The following NEK10 variants were observed in gnomAD, a reference collection of about 807,000 sequenced individuals.
NEK10 encodes the protein serine/threonine-protein kinase Nek10.
NEK10 carries 122 observed loss-of-function variants against 159.8 expected under a neutral mutation model. The ratio of observed to expected loss-of-function variants is 0.76; its 90% confidence interval spans 0.66 to 0.89. The LOEUF (loss-of-function observed/expected upper bound fraction) is 0.89. Ranked by LOEUF, NEK10 falls within the 40% of genes least tolerant of loss-of-function variation. NEK10 has a pLI of 0.00. For synonymous variants in NEK10, 466 were observed against 457.1 expected, an observed-to-expected ratio of 1.02 and a Z score of -0.25; for missense variants, 1,342 against 1,323.1, an observed-to-expected ratio of 1.01 and a Z score of -0.22.
At chr3:27,208,076 G>A (rs774895667) in intron 23 of NEK10, among the ~76,000 whole-genome samples, 26 of 152,104 alleles carry the variant, frequency 1.7e-4, no homozygotes, top group Non-Finnish European at 3.2e-4. Flanking sequence ...GTATGTGAAT[G>A]TTTGTGTGCA....
intron 3 of NEK10, among the ~76,000 whole-genome samples, chr3:27,347,905 G>A (rs1261493111): frequency 1.3e-5 from 2 of 152,020 alleles, no homozygotes; most frequent in Non-Finnish European, 2.9e-5. Context: ...TCATTAAAAT[G>A]GAAATAATAA....
intron 6 of NEK10, 76 bp from the exon 7 acceptor site, chr3:27,314,414 T>C (rs1488700478): frequency 2.3e-6 from 2 of 853,176 alleles, no homozygotes; most frequent in Non-Finnish European, 3.9e-6. Context: ...TGCAATTTCT[T>C]TACTAAGTTG....
rs749434445 is a variant in NEK10, at chr3:27,291,479, CT to C, written c.1476+4del. The C allele has an allele frequency of 6.2e-7, 1 of 1,603,596 alleles. No individual in the cohort carries two copies. Among genetic ancestry groups the C allele is most frequent in the Admixed American group, 1.7e-5 (1 of 60,002 alleles). On this transcript the variant is annotated splice_donor_region_variant and intron_variant, in intron 17 of 35. Coordinates refer to ENST00000691995, the MANE Select transcript of NEK10 (RefSeq NM_001394966.1). ...CTGCCAAAATATTGAAAACTCAGGACTTACCACTAATAAATTCAGCTTGGAT... is the reference window on the plus strand; with the variant it reads ...CTGCCAAAATATTGAAAACTCAGGACTACCACTAATAAATTCAGCTTGGAT...
rs370269119 is a variant in NEK10, at chr3:27,352,770, C to T, written c.71+42G>A. ...AGCCATTAAATCTGTTCAATGGCCA[C>T]TGCCTGAGTTAACAATTAGCAAACA... On this transcript the variant is annotated intron_variant, in intron 2 of 35. Coordinates refer to ENST00000691995, the MANE Select transcript of NEK10 (RefSeq NM_001394966.1). 88 of 1,356,376 alleles carry T rather than the reference C, an allele frequency of 6.5e-5. No homozygotes were observed. In the African/African-American group the frequency reaches 1.0e-3, roughly 15 times the overall value. 84.0% of individuals were successfully genotyped at this position (1,356,376 alleles called of 1,614,324 possible). A position where few individuals can be genotyped will look rare whatever the true frequency, so the allele number is the denominator to read the frequency against.
chr3:27,216,246 A>C (rs1951516627), intron 23 of NEK10: 1 of 210,386 alleles, frequency 4.8e-6, no homozygotes, highest in Admixed American at 5.8e-5. Context: ...GTCAAAGAAA[A>C]GACAAATAAT....
chr3:27,211,727 T>C (rs1288566572), intron 23 of NEK10, among the ~76,000 whole-genome samples: 1 of 152,184 alleles, frequency 6.6e-6, no homozygotes, highest in Non-Finnish European at 1.5e-5. Context: ...GAGCACGTAG[T>C]AGAATACAGG....
intron 5 of NEK10, among the ~76,000 whole-genome samples, chr3:27,325,501 T>C (rs1369955200): frequency 6.6e-6 from 1 of 152,152 alleles, no homozygotes; most frequent in Non-Finnish European, 1.5e-5. Context: ...CTCTGTCTCC[T>C]CTATGATCCT....
chr3:27,316,886 T>C (rs928911486), intron 6 of NEK10, among the ~76,000 whole-genome samples: 22 of 152,308 alleles, frequency 1.4e-4, no homozygotes, highest in South Asian at 2.1e-4. Flanking sequence ...TAACAAATTC[T>C]CTATCTCAGG....
chr3:27,311,827 C>T lies in NEK10; in HGVS notation c.568+272G>A, dbSNP rs963737524. ...TGACATTTTAACAGAAATAAAAAGA[C>T]GCAAAAATAGATTTTACCAAAATTT... On this transcript the variant is annotated intron_variant, in intron 8 of 35. Coordinates refer to ENST00000691995, the MANE Select transcript of NEK10 (RefSeq NM_001394966.1). 11 of 394,254 alleles carry T rather than the reference C, an allele frequency of 2.8e-5. No individual in the cohort carries two copies. The Admixed American group carries it at 3.1e-4, about 11-fold the overall frequency. The allele number at this position is 394,254 out of a possible 1,614,324, so 24.4% of individuals were successfully genotyped here.
At chr3:27,122,432 T>A (rs1327402406) in intron 32 of NEK10, among the ~76,000 whole-genome samples, 1 of 152,156 alleles carries the variant, frequency 6.6e-6, no homozygotes, top group Non-Finnish European at 1.5e-5. Context: ...GACAAGATTG[T>A]AAGATTATAA....
At chr3:27,131,635 A>G (rs1340603179) in intron 32 of NEK10, among the ~76,000 whole-genome samples, 1 of 152,188 alleles carries the variant, frequency 6.6e-6, no homozygotes, top group African/African-American at 2.4e-5. Flanking sequence ...CAAATTAAAT[A>G]TTACTTTTTC....
At chr3:27,229,233 A>C (rs887329803) in intron 23 of NEK10, among the ~76,000 whole-genome samples, 1 of 152,222 alleles carries the variant, frequency 6.6e-6, no homozygotes, top group South Asian at 2.1e-4. Context: ...GCCAGTGCAC[A>C]AAGTCTACAA....
chr3:27,217,223 A>T (rs992500338), intron 23 of NEK10, among the ~76,000 whole-genome samples: 1 of 152,174 alleles, frequency 6.6e-6, no homozygotes, highest in Non-Finnish European at 1.5e-5. Flanking sequence ...ACCCAACTCT[A>T]GCATAACATT....
chr3:27,164,228 G>C (rs1417925684), intron 29 of NEK10, among the ~76,000 whole-genome samples: 1 of 152,184 alleles, frequency 6.6e-6, no homozygotes, highest in Non-Finnish European at 1.5e-5. Context: ...AGTTTGAAAA[G>C]AGGCATGATG....
chr3:27,161,727 A>G (rs1946026792), intron 30 of NEK10, among the ~76,000 whole-genome samples: 1 of 152,216 alleles, frequency 6.6e-6, no homozygotes, highest in African/African-American at 2.4e-5. Flanking sequence ...TTAAGGATCT[A>G]TAATTTTTCA....
chr3:27,111,322 T>C lies in NEK10; in HGVS notation c.3300-2A>G. On this transcript the variant is annotated splice_acceptor_variant, in intron 35 of 35. Transcript: ENST00000691995. LOFTEE classifies it high-confidence loss of function. ...GTCCCCCATGGATAGGAATGATACCTATAAGATTCAGAAGTGGAAAGAATT... is the reference window on the plus strand; with the variant it reads ...GTCCCCCATGGATAGGAATGATACCCATAAGATTCAGAAGTGGAAAGAATT... 1.3e-6 allele frequency: 2 copies of C among 1,587,476 alleles called. No homozygotes were observed. The highest frequency in any genetic ancestry group is 1.4e-5 in the African/African-American group (1 of 73,630).
intron 22 of NEK10, among the ~76,000 whole-genome samples, chr3:27,263,706 G>A (rs1343978648): frequency 6.6e-6 from 1 of 152,154 alleles, no homozygotes; most frequent in Non-Finnish European, 1.5e-5. Flanking sequence ...TTTTCCAGGT[G>A]CCATCTGTCA....
At chr3:27,236,609 G>T (rs998445600) in intron 23 of NEK10, among the ~76,000 whole-genome samples, 1 of 152,118 alleles carries the variant, frequency 6.6e-6, no homozygotes, top group Non-Finnish European at 1.5e-5. Flanking sequence ...TCACATATCG[G>T]TAAGTCCGTG....
chr3:27,330,719 A>G (rs1427083160), intron 5 of NEK10, among the ~76,000 whole-genome samples: 1 of 152,200 alleles, frequency 6.6e-6, no homozygotes, highest in Non-Finnish European at 1.5e-5. Flanking sequence ...AAGACTATAA[A>G]GAGGTGGAGA....
Sources: allele counts gnomAD v4.1 joint callset (sites outside exome capture counted in the v4.1 genomes callset), GRCh38; gene constraint gnomAD v4.1.1; transcripts MANE v1.5; gene names NCBI Gene and HGNC (gene_info 2026-07-23, HGNC 2026-07-21).